The following LNX1 variants were observed in gnomAD, a reference collection of about 807,000 sequenced individuals.
The protein encoded by LNX1 is E3 ubiquitin-protein ligase LNX.
A neutral mutation model predicts 68.4 loss-of-function variants in LNX1; 54 were observed. The ratio of observed to expected loss-of-function variants is 0.79; its 90% CI spans 0.63 to 0.99. LNX1 has a LOEUF of 0.99. Among genes scored for constraint, LNX1 ranks in the 50% least tolerant of loss-of-function variants. The pLI, the probability that LNX1 is intolerant of heterozygous loss-of-function variation, is 0.00. For synonymous variants in LNX1, 336 were observed against 350.0 expected, an observed-to-expected ratio of 0.96 and a Z score of 0.45; for missense variants, 906 against 926.4, an observed-to-expected ratio of 0.98 and a Z score of 0.29.
intron 1 of LNX1, among the ~76,000 whole-genome samples, chr4:53,589,884 G>A (rs9312642): frequency 0.74 from 112,248 of 152,130 alleles, 41,611 homozygotes; most frequent in African/African-American, 0.76. Flanking sequence ...TGTTCCTTTA[G>A]TACTCAGACA....
chr4:53,546,644 A>G (rs575949730), intron 2 of LNX1, among the ~76,000 whole-genome samples: 6 of 152,198 alleles, frequency 3.9e-5, no homozygotes, highest in African/African-American at 1.2e-4. Flanking sequence ...AGACTAAATC[A>G]TCTCCAAGCT....
intron 1 of LNX1, among the ~76,000 whole-genome samples, chr4:53,624,201 C>T (rs1440672440): frequency 1.3e-5 from 2 of 152,106 alleles, no homozygotes; most frequent in Non-Finnish European, 1.5e-5. Flanking sequence ...CAATCATTAG[C>T]CTATTTCTCT....
At chr4:53,646,708 G>A (rs1734892582) in intron 1 of LNX1, among the ~76,000 whole-genome samples, 1 of 152,222 alleles carries the variant, frequency 6.6e-6, no homozygotes, top group South Asian at 2.1e-4. Context: ...CCAGAAATGA[G>A]CCATGCTAAT....
intron 1 of LNX1, among the ~76,000 whole-genome samples, chr4:53,649,040 C>A (rs1469076701): frequency 1.3e-5 from 2 of 152,100 alleles, no homozygotes; most frequent in African/African-American, 4.8e-5. Context: ...AATTATGGTG[C>A]CTGTAACCCA....
chr4:53,465,491 G>A (rs1032443380), intron 9 of LNX1, among the ~76,000 whole-genome samples: 2 of 152,178 alleles, frequency 1.3e-5, no homozygotes, highest in African/African-American at 4.8e-5. Context: ...ACTGTATTAA[G>A]TTACATTCTT....
chr4:53,651,763 T>A (rs1337621186), intron 1 of LNX1, among the ~76,000 whole-genome samples: 2 of 152,210 alleles, frequency 1.3e-5, no homozygotes, highest in African/African-American at 4.8e-5. Context: ...ACAAAGTCTG[T>A]GTGTGAATGT....
intron 4 of LNX1, 83 bp downstream of exon 4, chr4:53,507,234 G>T (rs1467414463): frequency 7.0e-7 from 1 of 1,432,212 alleles, no homozygotes; most frequent in Non-Finnish European, 9.6e-7. Flanking sequence ...ACAGAAGGTG[G>T]AAGGTGATCA....
At chr4:53,622,469 G>A (rs1435125166), upstream of LNX1, among the ~76,000 whole-genome samples, 1 of 152,002 alleles carries the variant, frequency 6.6e-6, no homozygotes, top group Non-Finnish European at 1.5e-5. Flanking sequence ...TTGGCGTGGC[G>A]AGACCACAGC....
chr4:53,624,193 A>G (rs531178913), intron 1 of LNX1, among the ~76,000 whole-genome samples: 6 of 152,104 alleles, frequency 3.9e-5, no homozygotes, highest in South Asian at 4.2e-4. Context: ...TACCTTTCCA[A>G]TCATTAGCCT....
intron 2 of LNX1, chr4:53,557,907 T>C (rs1264494921): frequency 1.9e-6 from 3 of 1,613,164 alleles, no homozygotes; most frequent in Non-Finnish European, 2.5e-6. Context: ...GTTGCCCACA[T>C]TGTCAATGTA....
intron 4 of LNX1, among the ~76,000 whole-genome samples, chr4:53,502,723 C>T (rs1725593107): frequency 6.6e-6 from 1 of 152,182 alleles, no homozygotes; most frequent in Non-Finnish European, 1.5e-5. Flanking sequence ...GAACTTCTTT[C>T]AAAATTAGAG....
intron 1 of LNX1, among the ~76,000 whole-genome samples, chr4:53,650,699 G>T (rs1411297706): frequency 1.3e-5 from 2 of 151,992 alleles, no homozygotes; most frequent in African/African-American, 4.8e-5. Context: ...TGAAACCTCT[G>T]TCCCCTTCCG....
intron 2 of LNX1, among the ~76,000 whole-genome samples, chr4:53,535,546 CTATTT>C (rs5858222): frequency 0.81 from 122,658 of 151,728 alleles, 49,973 homozygotes; most frequent in Admixed American, 0.86. Flanking sequence ...TTTTATCATT[CTATTT>C]TGTTAGTGAA....
Position 53,460,917 on chromosome 4 carries a change from G to C in LNX1, c.2177C>G (p.Thr726Ser), listed in dbSNP as rs1381790631. 1 of 1,607,492 alleles carries C rather than the reference G, an allele frequency of 6.2e-7. No homozygotes were observed. The highest frequency in any genetic ancestry group is 1.3e-5 in the African/African-American group (1 of 74,518). Residue 726 changes from threonine to serine, a missense_variant, in exon 11 of 11, where the codon ACT (threonine) becomes AGT (serine). By Grantham distance (58) the Thr-to-Ser change is moderately conservative. Coordinates refer to ENST00000263925, the MANE Select transcript of LNX1 (RefSeq NM_001126328.3). ...ITLTIVSWPGTFL is the reference protein window; with the variant it reads ...ITLTIVSWPGSFL ...GACCCATCATTGATTCTATAAAAAA[G>C]TGCCAGGCCAAGAAACAATAGTTAG...
chr4:53,642,674 T>C (rs1734731098), intron 1 of LNX1, among the ~76,000 whole-genome samples: 1 of 152,220 alleles, frequency 6.6e-6, no homozygotes, highest in South Asian at 2.1e-4. Flanking sequence ...TCACAAACAC[T>C]GGCCTTTTGG....
intron 1 of LNX1, among the ~76,000 whole-genome samples, chr4:53,628,350 C>T (rs1466140568): frequency 1.3e-5 from 2 of 151,976 alleles, no homozygotes; most frequent in Non-Finnish European, 2.9e-5. Context: ...AGACATTTCT[C>T]AAAAAAAGTT....
At chr4:53,592,536 A>G (rs952396995), upstream of LNX1, among the ~76,000 whole-genome samples, 14 of 152,220 alleles carry the variant, frequency 9.2e-5, no homozygotes, top group African/African-American at 3.4e-4. Flanking sequence ...TCATTACCTG[A>G]GGAAACTGTG....
At chr4:53,471,395 A>G (rs1475418239) in intron 9 of LNX1, among the ~76,000 whole-genome samples, 1 of 152,190 alleles carries the variant, frequency 6.6e-6, no homozygotes, top group Non-Finnish European at 1.5e-5. Flanking sequence ...ACCCTAGAAG[A>G]AAACCTAGGC....
Position 53,460,975 on chromosome 4 carries a change from T to A in LNX1, c.2119A>T (p.Arg707Ter). 2.5e-6 allele frequency: 4 copies of A among 1,610,466 alleles called. No homozygotes were observed. The highest frequency in any genetic ancestry group is 3.4e-6 in the Non-Finnish European group (4 of 1,178,276). Residue 707 changes from arginine to a stop codon, truncating the protein, a stop_gained, in exon 11 of 11, where the codon AGA (arginine) becomes TGA (stop). Coordinates refer to ENST00000263925, the MANE Select transcript of LNX1 (RefSeq NM_001126328.3). LOFTEE classifies it high-confidence loss of function. ...TSGMIHACLA[R>*]LLKELKGRIT... is the part of the protein sequence containing the mutation. ...CTTCCTTTAAGTTCTTTCAGCAGTC[T>A]TGCCAAGCAAGCATGTATCATTCCT...
Sources: allele counts gnomAD v4.1 joint callset (sites outside exome capture counted in the v4.1 genomes callset), GRCh38; gene constraint gnomAD v4.1.1; transcripts MANE v1.5; gene names NCBI Gene and HGNC (gene_info 2026-07-23, HGNC 2026-07-21).